Variants in PAPPA2 observed in about 807,000 individuals in gnomAD.
The protein encoded by PAPPA2 is pappalysin 2.
PAPPA2 carries 86 observed loss-of-function variants against 176.4 expected under a neutral mutation model. That is an observed-to-expected ratio of 0.49 (90% CI 0.41 to 0.58). The LOEUF (loss-of-function observed/expected upper bound fraction) is 0.58, where lower values mean the gene tolerates loss of function less well. PAPPA2 is among the 20% of genes least tolerant of loss of function. The probability of loss-of-function intolerance (pLI) is 0.00; values close to 1 mark genes in which losing one functional copy is unlikely to be tolerated. For missense variants in PAPPA2, 2,073 were observed against 2,256.9 expected (o/e 0.92, Z 1.65); for synonymous variants, 809 against 852.2 (o/e 0.95, Z 0.88).
intron 12 of PAPPA2, among the ~76,000 whole-genome samples, chr1:176,715,200 C>A (rs1661313377): frequency 3.3e-5 from 5 of 152,180 alleles, no homozygotes. Flanking sequence ...GTGTTAATGA[C>A]ACAAAAACAA....
At chr1:176,793,536 T>C (rs1249477186) in intron 19 of PAPPA2, 24 bp from the exon 20 acceptor site, 5 of 1,559,948 alleles carry the variant, frequency 3.2e-6, no homozygotes, top group Middle Eastern at 1.7e-4. Flanking sequence ...TTCAAGTCTC[T>C]GCTGTAAACT....
intron 1 of PAPPA2, among the ~76,000 whole-genome samples, chr1:176,488,100 G>C (rs1031777238): frequency 5.3e-5 from 8 of 152,140 alleles, no homozygotes; most frequent in African/African-American, 1.9e-4. Flanking sequence ...TGTTTCTCTA[G>C]CTGTTCTGCG....
At chr1:176,779,922 C>T (rs377121264) in intron 17 of PAPPA2, among the ~76,000 whole-genome samples, 5 of 152,238 alleles carry the variant, frequency 3.3e-5, no homozygotes, top group African/African-American at 7.2e-5. Flanking sequence ...GTCAGGGCAA[C>T]GTAAATGCTA....
Position 176,755,165 on chromosome 1 carries a change from CAG to C in PAPPA2, c.4152-10498_4152-10497del, listed in dbSNP as rs1284937934. On this transcript the variant is annotated intron_variant, in intron 14 of 22. Coordinates refer to ENST00000367662, the MANE Select transcript of PAPPA2 (RefSeq NM_020318.3). ...GACAAACTCTAGGATTAGAAGATGA[CAG>C]AGTCAACATGAAGCTTCTGTTGGGG... 3.3e-5 allele frequency among the ~76,000 whole-genome samples: 5 copies of C among 152,112 alleles called. No individual in the cohort carries two copies. The East Asian group carries it at 9.6e-4, about 29-fold the overall frequency.
At chr1:176,591,227 C>T (rs1055585439) in intron 2 of PAPPA2, among the ~76,000 whole-genome samples, 3 of 151,898 alleles carry the variant, frequency 2.0e-5, no homozygotes, top group Admixed American at 6.6e-5. Flanking sequence ...GCAGGATGTT[C>T]GGCTTGGCAA....
At chr1:176,597,985 A>G (rs1048032346) in intron 3 of PAPPA2, among the ~76,000 whole-genome samples, 1 of 152,178 alleles carries the variant, frequency 6.6e-6, no homozygotes, top group African/African-American at 2.4e-5. Context: ...CAGAAGGGGA[A>G]CTCACTCCTA....
At chr1:176,583,352 T>G (rs547961592) in intron 2 of PAPPA2, among the ~76,000 whole-genome samples, 2 of 152,206 alleles carry the variant, frequency 1.3e-5, no homozygotes. Context: ...TTGATGTAGG[T>G]TTTTATTGCT....
At chr1:176,740,793 G>A (rs1257392132) in intron 14 of PAPPA2, among the ~76,000 whole-genome samples, 1 of 152,180 alleles carries the variant, frequency 6.6e-6, no homozygotes, top group Non-Finnish European at 1.5e-5. Flanking sequence ...AAGGTTAGGG[G>A]AAGGAGCCTC....
intron 3 of PAPPA2, among the ~76,000 whole-genome samples, chr1:176,635,013 A>AGATAGATG (rs1553378324): frequency 1.2e-4 from 17 of 147,574 alleles, no homozygotes; most frequent in Non-Finnish European, 1.5e-4. Context: ...ATAGATAGAT[A>AGATAGATG]GATGCACAGC....
intron 3 of PAPPA2, among the ~76,000 whole-genome samples, chr1:176,635,287 T>G (rs939655449): frequency 2.0e-5 from 3 of 152,214 alleles, no homozygotes; most frequent in South Asian, 2.1e-4. Context: ...TTAACAGTGT[T>G]TGATGTGGGC....
intron 14 of PAPPA2, among the ~76,000 whole-genome samples, chr1:176,747,742 C>T (rs139221985): frequency 3.9e-5 from 6 of 152,256 alleles, no homozygotes; most frequent in African/African-American, 7.2e-5. Flanking sequence ...TTCTAGGCAA[C>T]GCTTAGCTGG....
rs189564979 is a variant in PAPPA2 at position 176,818,682 on chromosome 1, C to T, written c.5202+18550C>T. ...CCTCCTGACTGGTCTCACTACTTCC[C>T]CTGCCTCTTCACAGCCTAATCCCAG... On this transcript the variant is annotated intron_variant, in intron 21 of 22. Coordinates refer to ENST00000367662, the MANE Select transcript of PAPPA2 (RefSeq NM_020318.3). Among the ~76,000 whole-genome samples, 67 of 152,282 alleles carry T rather than the reference C, an allele frequency of 4.4e-4. 1 individual carries two copies. The East Asian group carries it at 0.01, about 24-fold the overall frequency.
chr1:176,625,836 C>T (rs1440349377), intron 3 of PAPPA2, among the ~76,000 whole-genome samples: 1 of 152,108 alleles, frequency 6.6e-6, no homozygotes, highest in Non-Finnish European at 1.5e-5. Flanking sequence ...GCCTGGGCAA[C>T]ATGGCAAGAT....
At chr1:176,829,979 G>A (rs1233422076) in intron 21 of PAPPA2, among the ~76,000 whole-genome samples, 1 of 152,226 alleles carries the variant, frequency 6.6e-6, no homozygotes, top group Non-Finnish European at 1.5e-5. Context: ...CTGTGAATGA[G>A]CCTATGACTG....
chr1:176,642,972 A>T (rs952496600), intron 3 of PAPPA2, among the ~76,000 whole-genome samples: 2 of 151,926 alleles, frequency 1.3e-5, no homozygotes, highest in African/African-American at 2.4e-5. Flanking sequence ...ATTGGTCTGA[A>T]AATGCATTGC....
At chr1:176,503,562 TA>T (rs1240262948) in intron 1 of PAPPA2, among the ~76,000 whole-genome samples, 1 of 152,168 alleles carries the variant, frequency 6.6e-6, no homozygotes, top group Non-Finnish European at 1.5e-5. Context: ...TAAAAAAATT[TA>T]AAACATAGCC....
At chr1:176,552,312 C>T (rs60527290) in intron 1 of PAPPA2, among the ~76,000 whole-genome samples, 29,438 of 149,730 alleles carry the variant, frequency 0.2, 4,432 homozygotes, top group African/African-American at 0.42. Context: ...ATTTTACCCT[C>T]TCCTCCTCCA....
At chr1:176,507,762 G>A (rs934725421) in intron 1 of PAPPA2, among the ~76,000 whole-genome samples, 1 of 148,536 alleles carries the variant, frequency 6.7e-6, no homozygotes. Flanking sequence ...CAGGGATACA[G>A]TAGACATTGT....
chr1:176,498,751 C>CACAAAAAAAAAAAAAAAAAAAAAAAAA (rs762510082), intron 1 of PAPPA2, among the ~76,000 whole-genome samples: 4 of 112,130 alleles, frequency 3.6e-5, no homozygotes, highest in East Asian at 2.6e-4. Context: ...CTCTTACCTC[C>CACAAAAAAAAAAAAAAAAAAAAAAAAA]AAAAAAAAAA....
Sources: gnomAD v4.1 joint callset for allele counts (sites outside exome capture counted in the v4.1 genomes callset) on GRCh38, gnomAD v4.1.1 for gene constraint, MANE v1.5 for transcripts, NCBI Gene and HGNC (gene_info 2026-07-23, HGNC 2026-07-21) for gene names.